The following TRRAP variants were observed in gnomAD, a reference collection of about 807,000 sequenced individuals.
TRRAP encodes the protein transformation/transcription domain associated protein.
TRRAP carries 41 observed loss-of-function variants against 438.8 expected under a neutral mutation model. The ratio of observed to expected loss-of-function variants is 0.09; its 90% CI spans 0.07 to 0.12. The LOEUF (loss-of-function observed/expected upper bound fraction) is 0.12, where lower values mean the gene tolerates loss of function less well. Among genes scored for constraint, TRRAP ranks in the 10% least tolerant of loss-of-function variants. The pLI, the probability that TRRAP is intolerant of heterozygous loss-of-function variation, is 1.00. For missense variants in TRRAP, 3,122 were observed against 5,055.1 expected, an observed-to-expected ratio of 0.62 and a Z score of 11.60; for synonymous variants, 1,994 against 1,962.9, an observed-to-expected ratio of 1.02 and a Z score of -0.42.
chr7:98,917,533 A>C lies in TRRAP; in HGVS notation c.2476A>C (p.Met826Leu), dbSNP rs1789566513. 6.2e-7 allele frequency: 1 copy of C among 1,614,058 alleles called. No individual in the cohort carries two copies. Among genetic ancestry groups the C allele is most frequent in the Non-Finnish European group, 8.5e-7 (1 of 1,180,048 alleles). Residue 826 changes from methionine (M) to leucine (L), a missense_variant, in exon 20 of 73, where the codon ATG becomes CTG. Transcript: ENST00000456197. ...RLSSLLPYLP[M>L]LMDPLVSALN... ...GAGCTCGCTTTTGCCGTACCTGCCC[A>C]TGCTTATGGATCCCTTGGTGTCTGC...
At position 98,891,204 on chromosome 7, in the gene TRRAP, T is replaced by TATA. The variant is rs71799326; in HGVS notation, c.261+759_261+760insATA. ...TTTAGAAATAGTCCATATATATATA[T>TATA]TTTTTTTTTTTTTTTTTTTTTTTGG... On this transcript the variant is annotated intron_variant, in intron 4 of 72. Coordinates refer to ENST00000456197, the MANE Select transcript of TRRAP (RefSeq NM_001375524.1). Among the ~76,000 whole-genome samples the TATA allele has an allele frequency of 9.4e-3, 658 of 70,320 alleles. 6 individuals are homozygous for TATA. Among genetic ancestry groups the TATA allele is most frequent in the African/African-American group, 0.036 (543 of 15,240 alleles). The allele number at this position is 70,320 out of a possible 152,430, so 46.1% of individuals were successfully genotyped here. A position where few individuals can be genotyped will look rare whatever the true frequency, so the allele number is the denominator to read the frequency against.
intron 6 of TRRAP, among the ~76,000 whole-genome samples, chr7:98,894,677 A>G (rs944265605): frequency 6.6e-6 from 1 of 151,076 alleles, no homozygotes; most frequent in African/African-American, 2.4e-5. Context: ...CAGTGGCGCA[A>G]TCTTGGCTCA....
At chr7:99,004,440 G>A in intron 68 of TRRAP, 25 bp downstream of exon 68, 1 of 1,602,532 alleles carries the variant, frequency 6.2e-7, no homozygotes, top group Non-Finnish European at 8.5e-7. Flanking sequence ...CTGGCAGGTG[G>A]AACTAACCCA....
intron 51 of TRRAP, among the ~76,000 whole-genome samples, chr7:98,968,201 T>G (rs926203564): frequency 6.6e-6 from 1 of 152,128 alleles, no homozygotes; most frequent in African/African-American, 2.4e-5. Context: ...GTATTTTTAG[T>G]AGAGATGGGG....
At chr7:98,915,602 TGGAG>T in intron 18 of TRRAP, 117 bp from the exon 19 acceptor site, 1 of 1,248,068 alleles carries the variant, frequency 8.0e-7, no homozygotes, top group Non-Finnish European at 1.1e-6. Flanking sequence ...TTTTTCCCTT[TGGAG>T]TAAACACATC....
At chr7:98,982,061 G>A in intron 59 of TRRAP, 101 bp downstream of exon 59, 2 of 1,201,152 alleles carry the variant, frequency 1.7e-6, no homozygotes, top group Non-Finnish European at 2.2e-6. Context: ...CAGCAGAGAT[G>A]AAACTCCTTC....
intron 47 of TRRAP, among the ~76,000 whole-genome samples, chr7:98,964,029 C>T (rs1470803488): frequency 3.3e-5 from 5 of 149,382 alleles, no homozygotes; most frequent in Admixed American, 2.7e-4. Flanking sequence ...TGCAGTGAGC[C>T]GAGATTACGC....
chr7:98,992,166 C>T lies in TRRAP; in HGVS notation c.9786C>T (p.Tyr3262=). ...GACGCGTGTATCCCCAAGCGGTCTA[C>T]TTTCCCATCCGGACCCTGTACCTGA... ...QVGRVYPQAV[Y]FPIRTLYLTL... is the part of the protein sequence containing the mutation. Residue 3262 remains tyrosine (Y), a synonymous_variant, in exon 65 of 73, where the codon TAC becomes TAT. Transcript: ENST00000456197. 3 of 1,614,250 alleles carry T rather than the reference C, an allele frequency of 1.9e-6. No individual in the cohort carries two copies. The highest frequency in any genetic ancestry group is 2.2e-5 in the East Asian group (1 of 44,888).
At chr7:98,974,955 G>A (rs1792584839) in intron 53 of TRRAP, among the ~76,000 whole-genome samples, 1 of 152,168 alleles carries the variant, frequency 6.6e-6, no homozygotes, top group African/African-American at 2.4e-5. Flanking sequence ...TGTGTCTTTT[G>A]GGATTCTGAT....
rs368570948 is a variant in TRRAP at position 98,882,200 on chromosome 7, C to G, written c.150+176C>G. Among the ~76,000 whole-genome samples, 20 of 152,248 alleles carry G rather than the reference C, an allele frequency of 1.3e-4. No homozygotes were observed. In the East Asian group the frequency reaches 1.4e-3, roughly 10 times the overall value. ...TTGTACACAGCGTTTTCCATCTTCA[C>G]GCTGGTGATAGCGAACCCCATACCA... is the stretch of plus-strand genomic sequence containing the variant. On this transcript the variant is annotated intron_variant, in intron 3 of 72. Coordinates refer to ENST00000456197, the MANE Select transcript of TRRAP (RefSeq NM_001375524.1).
intron 65 of TRRAP, 142 bp from the exon 66 acceptor site, chr7:98,993,396 G>T (rs775851806): frequency 5.8e-6 from 5 of 869,234 alleles, no homozygotes; most frequent in South Asian, 1.7e-5. Context: ...CTTCTCCCAC[G>T]CAGTCCTTGG....
chr7:98,953,612 A>G (rs1791447689), intron 40 of TRRAP, among the ~76,000 whole-genome samples, 179 bp downstream of exon 40: 1 of 151,992 alleles, frequency 6.6e-6, no homozygotes, highest in Non-Finnish European at 1.5e-5. Context: ...ATTCAGAGAG[A>G]CAGAAAGTAG....
rs1375613767 is a variant in TRRAP, at chr7:98,978,104, T to C, written c.8386-107T>C. On this transcript the variant is annotated intron_variant, in intron 56 of 72. Transcript: ENST00000456197. ...GAGTTTGAGTCCAGCTTTGGCAACA[T>C]AGCAAAACCTCATCTCAAAAAACTT... 9.0e-6 allele frequency: 9 copies of C among 1,002,276 alleles called. No homozygotes were observed. In the East Asian group the frequency reaches 1.9e-4, roughly 22 times the overall value. The allele number at this position is 1,002,276 out of a possible 1,614,324, so 62.1% of individuals were successfully genotyped here. A position where few individuals can be genotyped will look rare whatever the true frequency, so the allele number is the denominator to read the frequency against.
At chr7:98,924,062 A>G (rs1789925250) in intron 21 of TRRAP, among the ~76,000 whole-genome samples, 1 of 152,216 alleles carries the variant, frequency 6.6e-6, no homozygotes, top group Non-Finnish European at 1.5e-5. Context: ...TCAGTTTTGA[A>G]CCTAGGCACA....
rs763254721 is a variant in TRRAP at position 98,983,509 on chromosome 7, C to T, written c.9022+50C>T. 3 of 1,601,884 alleles carry T rather than the reference C, an allele frequency of 1.9e-6. No individual in the cohort carries two copies. In the South Asian group the frequency reaches 3.3e-5, roughly 18 times the overall value. On this transcript the variant is annotated intron_variant, in intron 60 of 72. Coordinates refer to ENST00000456197, the MANE Select transcript of TRRAP (RefSeq NM_001375524.1). ...ATTCATCATGTAATTTTCCAGACGC[C>T]CCACGGTTCTGGTTTCGTCTCTGTG...
At chr7:98,897,236 A>C (rs753887526) in intron 7 of TRRAP, among the ~76,000 whole-genome samples, 7 of 152,158 alleles carry the variant, frequency 4.6e-5, no homozygotes, top group Non-Finnish European at 7.4e-5. Context: ...CTCTGTCTCA[A>C]GAAAGAAGAA....
At chr7:98,934,874 T>A (rs1265555808) in intron 27 of TRRAP, among the ~76,000 whole-genome samples, 1 of 152,202 alleles carries the variant, frequency 6.6e-6, no homozygotes, top group Non-Finnish European at 1.5e-5. Context: ...GGTGGGTGGC[T>A]TGAAGTGCTT....
chr7:98,889,014 T>C (rs1368885942), intron 3 of TRRAP, among the ~76,000 whole-genome samples: 3 of 151,442 alleles, frequency 2.0e-5, no homozygotes, highest in Admixed American at 1.3e-4. Flanking sequence ...GTGTTAGATA[T>C]ACTTGATTTG....
Position 98,908,692 on chromosome 7 carries a change from G to C in TRRAP, c.1116-36G>C. On this transcript the variant is annotated intron_variant, in intron 13 of 72. Transcript: ENST00000456197. The surrounding 1 kb of genome is among the most constrained non-coding windows in gnomAD (Gnocchi z 4.1). ...GGCCTGCTGCAGCAGGCATGGCCAC[G>C]TGGGAATGAGCACTAGTCGAGGTCT... 1 of 1,530,268 alleles carries C rather than the reference G, an allele frequency of 6.5e-7. No individual in the cohort carries two copies. The allele number at this position is 1,530,268 out of a possible 1,614,324, so 94.8% of individuals were successfully genotyped here. A position where few individuals can be genotyped will look rare whatever the true frequency, so the allele number is the denominator to read the frequency against.
Sources: allele counts gnomAD v4.1 joint callset (sites outside exome capture counted in the v4.1 genomes callset), GRCh38; gene constraint gnomAD v4.1.1; non-coding constraint Gnocchi (gnomAD v3.1); transcripts MANE v1.5; gene names NCBI Gene and HGNC (gene_info 2026-07-23, HGNC 2026-07-21).